The following CNTN1 variants were observed in gnomAD, a reference collection of about 807,000 sequenced individuals.
CNTN1 encodes contactin 1, also known as contactin-1.
A neutral mutation model predicts 126.4 loss-of-function variants in CNTN1; 38 were observed. That is an observed-to-expected ratio of 0.30 (90% CI 0.23 to 0.39). The LOEUF (loss-of-function observed/expected upper bound fraction) is 0.39, where lower values mean the gene tolerates loss of function less well. CNTN1 is among the 10% of genes least tolerant of loss of function. CNTN1 has a pLI of 1.00. For synonymous variants in CNTN1, 413 were observed against 422.6 expected (o/e 0.98, Z 0.28); for missense variants, 1,009 against 1,248.4 (o/e 0.81, Z 2.89).
intron 1 of CNTN1, among the ~76,000 whole-genome samples, chr12:40,717,092 TA>T (rs1476593974): frequency 2.0e-5 from 3 of 152,134 alleles, no homozygotes; most frequent in East Asian, 3.9e-4. Context: ...TTTTCTGTTT[TA>T]TAAGAAAGGC....
chr12:40,781,706 A>G (rs1939811762), intron 1 of CNTN1, among the ~76,000 whole-genome samples: 1 of 152,012 alleles, frequency 6.6e-6, no homozygotes, highest in Non-Finnish European at 1.5e-5. Context: ...CCCAAAAGCA[A>G]CATGATCAAG....
At chr12:40,816,078 T>A (rs1232695298) in intron 1 of CNTN1, among the ~76,000 whole-genome samples, 1 of 152,158 alleles carries the variant, frequency 6.6e-6, no homozygotes, top group East Asian at 1.9e-4. Context: ...GTTTTTGCAT[T>A]GATGTTCATC....
intron 11 of CNTN1, 21 bp downstream of exon 11, chr12:40,937,708 C>A (rs753141763): frequency 3.0e-6 from 4 of 1,344,938 alleles, no homozygotes; most frequent in East Asian, 2.3e-5. Context: ...TTTCTAATTT[C>A]TGTTAAACAT....
At chr12:41,002,908 C>A (rs193146747) in intron 17 of CNTN1, among the ~76,000 whole-genome samples, 11 of 152,270 alleles carry the variant, frequency 7.2e-5, no homozygotes, top group Middle Eastern at 3.4e-3. Flanking sequence ...TATGGCTTGA[C>A]ATCCTCTCTT....
intron 1 of CNTN1, among the ~76,000 whole-genome samples, chr12:40,869,052 AT>A (rs954210773): frequency 6.6e-6 from 1 of 151,804 alleles, no homozygotes; most frequent in African/African-American, 2.4e-5. Context: ...TTGAAAAAAA[AT>A]TTTATGATTA....
intron 1 of CNTN1, among the ~76,000 whole-genome samples, chr12:40,721,195 C>G (rs1244406494): frequency 6.6e-6 from 1 of 152,048 alleles, no homozygotes; most frequent in Non-Finnish European, 1.5e-5. Context: ...GTGATACTTA[C>G]ATAAAGGATA....
chr12:41,016,121 A>G (rs1948773837), intron 18 of CNTN1, among the ~76,000 whole-genome samples: 1 of 152,114 alleles, frequency 6.6e-6, no homozygotes, highest in African/African-American at 2.4e-5. Flanking sequence ...TCCCTTTAAT[A>G]CATATTACTT....
chr12:40,794,271 A>C (rs1375897284), intron 1 of CNTN1, among the ~76,000 whole-genome samples: 1 of 152,050 alleles, frequency 6.6e-6, no homozygotes. Context: ...AACAAAATAC[A>C]AAGGCCAGTT....
chr12:41,061,901 C>G, intron 23 of CNTN1: 1 of 415,522 alleles, frequency 2.4e-6, no homozygotes, highest in Non-Finnish European at 4.8e-6. Flanking sequence ...CTTAAGCTGT[C>G]TTTTTTCTTC....
intron 1 of CNTN1, among the ~76,000 whole-genome samples, chr12:40,696,880 T>C (rs1941464782): frequency 6.6e-6 from 1 of 152,236 alleles, no homozygotes; most frequent in African/African-American, 2.4e-5. Flanking sequence ...GTCTTATTTC[T>C]ATTAATATAA....
intron 1 of CNTN1, among the ~76,000 whole-genome samples, chr12:40,813,225 C>T (rs1264057901): frequency 2.7e-5 from 1 of 36,402 alleles, no homozygotes; most frequent in Non-Finnish European, 8.0e-5. Flanking sequence ...TTATTTGCTT[C>T]TAAAAAGAAA....
intron 1 of CNTN1, among the ~76,000 whole-genome samples, chr12:40,794,500 TATC>T (rs1318744409): frequency 7.9e-5 from 12 of 152,010 alleles, no homozygotes; most frequent in Non-Finnish European, 1.5e-4. Flanking sequence ...GAACAAATCA[TATC>T]ATCACTAAAA....
Position 41,020,353 on chromosome 12 carries a change from A to G in CNTN1, c.2436A>G (p.Pro812=). ...NSAQDAPSEA[P]TEVGVKVLSS... The stretch of plus-strand genomic sequence containing the variant: ...AAATTTCAGCTCCCAGTGAAGCCCC[A>G]ACAGAAGTAGGTGTAAAAGTCTTAT... The change falls in exon 20 of 24, where the codon CCA becomes CCG. Residue 812 remains proline, a synonymous_variant. Coordinates refer to ENST00000551295, the MANE Select transcript of CNTN1 (RefSeq NM_001843.4). 1.2e-6 allele frequency: 2 copies of G among 1,611,598 alleles called. No individual in the cohort carries two copies. Among genetic ancestry groups the G allele is most frequent in the Non-Finnish European group, 1.7e-6 (2 of 1,178,486 alleles).
intron 1 of CNTN1, among the ~76,000 whole-genome samples, chr12:40,833,514 C>T (rs548496242): frequency 5.9e-5 from 9 of 152,158 alleles, no homozygotes; most frequent in African/African-American, 2.2e-4. Flanking sequence ...TACAAACTAA[C>T]ATAAATAGAA....
At chr12:40,709,343 C>T (rs887455982) in intron 1 of CNTN1, among the ~76,000 whole-genome samples, 6 of 152,154 alleles carry the variant, frequency 3.9e-5, no homozygotes, top group Non-Finnish European at 7.3e-5. Context: ...ATGCTGTAAA[C>T]AGATATGCTA....
At chr12:40,707,410 G>T (rs1440604297) in intron 1 of CNTN1, among the ~76,000 whole-genome samples, 1 of 151,478 alleles carries the variant, frequency 6.6e-6, no homozygotes, top group South Asian at 2.1e-4. Flanking sequence ...CACCACACCC[G>T]GCTAATTGTT....
intron 5 of CNTN1, among the ~76,000 whole-genome samples, chr12:40,924,293 A>G (rs1945552466): frequency 6.6e-6 from 1 of 152,078 alleles, no homozygotes; most frequent in Non-Finnish European, 1.5e-5. Flanking sequence ...TCTTCAGGAT[A>G]TTTGTGATTT....
intron 1 of CNTN1, among the ~76,000 whole-genome samples, chr12:40,891,822 G>T (rs939152918): frequency 6.6e-6 from 1 of 151,912 alleles, no homozygotes; most frequent in Non-Finnish European, 1.5e-5. Context: ...TCTTGAGGTT[G>T]GACAGTGTCC....
intron 1 of CNTN1, among the ~76,000 whole-genome samples, chr12:40,833,207 G>A (rs1200763135): frequency 6.6e-6 from 1 of 152,048 alleles, no homozygotes; most frequent in African/African-American, 2.4e-5. Flanking sequence ...CGACTCTTCT[G>A]CCTCGGCCTC....
Sources: gnomAD v4.1 joint callset for allele counts (sites outside exome capture counted in the v4.1 genomes callset) on GRCh38, gnomAD v4.1.1 for gene constraint, MANE v1.5 for transcripts, NCBI Gene and HGNC (gene_info 2026-07-23, HGNC 2026-07-21) for gene names.